Variants in FBXL2 observed in about 807,000 individuals in gnomAD.
FBXL2 encodes the protein F-box/LRR-repeat protein 2.
A neutral mutation model predicts 69.2 loss-of-function variants in FBXL2; 38 were observed. The ratio of observed to expected loss-of-function variants is 0.55; its 90% CI spans 0.42 to 0.72. The LOEUF is 0.72. FBXL2 is among the 30% of genes least tolerant of loss of function. The pLI is 0.00. For synonymous variants in FBXL2, 192 were observed against 201.3 expected (o/e 0.95, Z 0.39); for missense variants, 354 against 520.3 (o/e 0.68, Z 3.11).
chr3:33,299,987 C>A (rs968460707), intron 2 of FBXL2, among the ~76,000 whole-genome samples: 1 of 151,452 alleles, frequency 6.6e-6, no homozygotes. Flanking sequence ...GTAGATGGTG[C>A]CCCCTAGGAT....
chr3:33,411,458 A>G, the FBXL2 span: 1 of 794,124 alleles, frequency 1.3e-6, no homozygotes, highest in South Asian at 1.8e-5. Context: ...ATGTATATAG[A>G]AAGACACTAC....
At chr3:33,288,341 C>T (rs921718263) in intron 1 of FBXL2, among the ~76,000 whole-genome samples, 4 of 152,094 alleles carry the variant, frequency 2.6e-5, no homozygotes, top group African/African-American at 7.2e-5. Flanking sequence ...TCCAGCAGTG[C>T]GCAAACCGAG....
chr3:33,315,685 T>C (rs961511117), intron 2 of FBXL2, among the ~76,000 whole-genome samples: 1 of 152,186 alleles, frequency 6.6e-6, no homozygotes, highest in African/African-American at 2.4e-5. Flanking sequence ...ATCTTAAATT[T>C]TTCTAATTCT....
intron 1 of FBXL2, among the ~76,000 whole-genome samples, chr3:33,280,133 C>T (rs1419745619): frequency 1.3e-5 from 2 of 152,112 alleles, no homozygotes; most frequent in African/African-American, 2.4e-5. Flanking sequence ...GTCTTCTCTC[C>T]CCTCTTTCTT....
intron 12 of FBXL2, among the ~76,000 whole-genome samples, chr3:33,394,517 T>TTCCA (rs144129108): frequency 0.3 from 44,894 of 151,856 alleles, 7,647 homozygotes; most frequent in East Asian, 0.5. Flanking sequence ...CCCAGCCACA[T>TTCCA]TCCAGTGTTC....
intron 2 of FBXL2, among the ~76,000 whole-genome samples, chr3:33,343,020 G>A (rs1320637715): frequency 6.6e-6 from 1 of 150,756 alleles, no homozygotes; most frequent in Non-Finnish European, 1.5e-5. Context: ...GATTACAGGC[G>A]TGAGCCACCG....
chr3:33,327,690 A>G (rs1250649209), intron 2 of FBXL2, among the ~76,000 whole-genome samples: 1 of 152,174 alleles, frequency 6.6e-6, no homozygotes, highest in African/African-American at 2.4e-5. Flanking sequence ...CTAAACACCA[A>G]CAAATTAGAA....
chr3:33,388,255 CAGAA>C (rs2043594408), downstream of FBXL2: 3 of 152,392 alleles, frequency 2.0e-5, no homozygotes, highest in African/African-American at 7.2e-5. Flanking sequence ...TAGACTGGCT[CAGAA>C]TACACACAGG....
At chr3:33,317,024 C>T (rs2125782199) in intron 2 of FBXL2, among the ~76,000 whole-genome samples, 2 of 152,194 alleles carry the variant, frequency 1.3e-5, no homozygotes, top group South Asian at 4.2e-4. Flanking sequence ...ACCCCAGACT[C>T]CCAAGTAGAT....
chr3:33,381,473 C>T (rs892102735), intron 13 of FBXL2, among the ~76,000 whole-genome samples: 16 of 151,998 alleles, frequency 1.1e-4, no homozygotes, highest in Admixed American at 5.9e-4. Flanking sequence ...GGAGAAACCC[C>T]GCCTCTACTA....
At chr3:33,347,824 G>A (rs1246593989) in intron 2 of FBXL2, among the ~76,000 whole-genome samples, 1 of 152,114 alleles carries the variant, frequency 6.6e-6, no homozygotes, top group Non-Finnish European at 1.5e-5. Flanking sequence ...CTTCTTTTGA[G>A]AAATGCCTAT....
intron 2 of FBXL2, among the ~76,000 whole-genome samples, chr3:33,323,209 T>C (rs2038383452): frequency 6.6e-6 from 1 of 152,216 alleles, no homozygotes; most frequent in Admixed American, 6.5e-5. Context: ...ATGTTAACTT[T>C]GCAAATTTTT....
chr3:33,285,620 A>G (rs1040529393), intron 1 of FBXL2, among the ~76,000 whole-genome samples: 4 of 152,324 alleles, frequency 2.6e-5, no homozygotes, highest in East Asian at 3.9e-4. Flanking sequence ...CTCCTGGATA[A>G]TATCCTGTAG....
chr3:33,400,573 C>G (rs1411846162), intron 12 of FBXL2, among the ~76,000 whole-genome samples: 1 of 152,030 alleles, frequency 6.6e-6, no homozygotes, highest in African/African-American at 2.4e-5. Context: ...ATAAGCCAGG[C>G]ACAGAAAGAC....
chr3:33,415,610 T>A, the FBXL2 span, among the ~76,000 whole-genome samples: 1 of 152,166 alleles, frequency 6.6e-6, no homozygotes, highest in African/African-American at 2.4e-5. Flanking sequence ...AATTTTACCA[T>A]AATAAAAAGT....
chr3:33,385,481 T>C lies in FBXL2; in HGVS notation c.1165-20T>C, dbSNP rs759117164. ...AAATAGTAATGTGTAAAGACTCCAC[T>C]TTTTTCTTCATCCTTCCAGGCTCAG... On this transcript the variant is annotated intron_variant, in intron 14 of 14. Transcript: ENST00000484457. The C allele has an allele frequency of 6.8e-6, 11 of 1,607,094 alleles. No homozygotes were observed. In the East Asian group the frequency reaches 2.2e-4, roughly 33 times the overall value.
chr3:33,319,360 ATAAAG>A (rs1327110288), intron 2 of FBXL2, among the ~76,000 whole-genome samples: 1 of 152,230 alleles, frequency 6.6e-6, no homozygotes, highest in African/African-American at 2.4e-5. Flanking sequence ...AAATTAAAAA[ATAAAG>A]TAATTCATCA....
chr3:33,395,750 G>GAA lies in FBXL2; in HGVS notation n.1215-7462_1215-7461dup, dbSNP rs61654235. 7.4e-3 allele frequency among the ~76,000 whole-genome samples: 516 copies of GAA among 69,762 alleles called. 2 individuals carry two copies. Among genetic ancestry groups the GAA allele is most frequent in the African/African-American group, 0.02 (313 of 15,988 alleles). The allele number at this position is 69,762 out of a possible 152,430, so 45.8% of individuals were successfully genotyped here. On this transcript the variant is annotated intron_variant and non_coding_transcript_variant, in intron 12 of 12. Transcript: ENST00000463736. ...CTCCCCATACCTAGTCAGGAAAATT[G>GAA]AAAAAAAAAAAAAAAAAAAAAAAGA...
At chr3:33,384,275 G>A (rs547345006) in intron 14 of FBXL2, 74 bp downstream of exon 14, 71 of 1,472,018 alleles carry the variant, frequency 4.8e-5, no homozygotes, top group Admixed American at 1.6e-4. Context: ...GAATCAGACC[G>A]GGGCTAGGCA....
Sources: allele counts gnomAD v4.1 joint callset (sites outside exome capture counted in the v4.1 genomes callset), GRCh38; gene constraint gnomAD v4.1.1; transcripts MANE v1.5; gene names NCBI Gene and HGNC (gene_info 2026-07-23, HGNC 2026-07-21).